The following SAP30BP variants were observed in gnomAD, a reference collection of about 807,000 sequenced individuals.
The protein encoded by SAP30BP is SAP30-binding protein.
In SAP30BP, 31 loss-of-function variants were observed where a neutral mutation model predicts 46.3. The observed-to-expected ratio is 0.67, with a 90% confidence interval of 0.50 to 0.90. SAP30BP has a LOEUF of 0.90. SAP30BP is among the 40% of genes least tolerant of loss of function. SAP30BP has a pLI of 0.00. For missense variants in SAP30BP, 312 were observed against 391.0 expected, an observed-to-expected ratio of 0.80 and a Z score of 1.70; for synonymous variants, 169 against 144.2, an observed-to-expected ratio of 1.17 and a Z score of -1.23.
intron 1 of SAP30BP, 70 bp from the exon 2 acceptor site, chr17:75,668,446 T>G (rs2059843412): frequency 1.0e-6 from 1 of 975,470 alleles, no homozygotes; most frequent in Non-Finnish European, 1.5e-6. Context: ...CTGGACATTT[T>G]TTCTTACATT....
chr17:75,702,791 C>A (rs971312275), intron 6 of SAP30BP: 2 of 383,812 alleles, frequency 5.2e-6, no homozygotes, highest in Non-Finnish European at 9.5e-6. Context: ...ATACCGAGAC[C>A]TAGACGGGGA....
At chr17:75,686,323 C>G (rs2148395940) in intron 3 of SAP30BP, among the ~76,000 whole-genome samples, 1 of 152,166 alleles carries the variant, frequency 6.6e-6, no homozygotes. Context: ...CGAGACCATC[C>G]TGGCTAACGA....
In SAP30BP at chr17:75,674,690, GTTTTTTGTTTTT is replaced by G. The variant is rs1200158111; in HGVS notation, c.264+2834_264+2845del. On this transcript the variant is annotated intron_variant, in intron 3 of 10. Transcript: ENST00000584667. ...TTAAGCATATGAAGTTTTTTTGTTT[GTTTTTTGTTTTT>G]TTTTTTTTTTTTTTTTTTTTTTTGA... 2.4e-3 allele frequency among the ~76,000 whole-genome samples: 95 copies of G among 39,590 alleles called. 2 individuals carry two copies. The highest frequency in any genetic ancestry group is 6.0e-3 in the African/African-American group (91 of 15,118). 26.0% of individuals were successfully genotyped at this position (39,590 alleles called of 152,430 possible).
At chr17:75,705,666 T>C in intron 9 of SAP30BP, 1 of 1,123,478 alleles carries the variant, frequency 8.9e-7, no homozygotes, top group Non-Finnish European at 1.1e-6. Context: ...CCTTCCCCTG[T>C]GCGGGCGGGC....
chr17:75,695,494 C>A (rs997028794), intron 4 of SAP30BP, among the ~76,000 whole-genome samples: 22 of 152,192 alleles, frequency 1.4e-4, no homozygotes, highest in Non-Finnish European at 4.4e-5. Context: ...GGATACACCA[C>A]AGTTTGTTTA....
intron 7 of SAP30BP, 36 bp from the exon 8 acceptor site, chr17:75,703,772 A>G: frequency 6.3e-7 from 1 of 1,599,392 alleles, no homozygotes; most frequent in Non-Finnish European, 8.6e-7. Flanking sequence ...TTTCTGAGTC[A>G]TTTGTCATCT....
chr17:75,670,754 A>G (rs1474099209), intron 2 of SAP30BP, among the ~76,000 whole-genome samples: 1 of 152,166 alleles, frequency 6.6e-6, no homozygotes, highest in African/African-American at 2.4e-5. Context: ...CCTTGGACTC[A>G]CTGGTACCTT....
chr17:75,682,624 G>A (rs1472310201), intron 3 of SAP30BP, among the ~76,000 whole-genome samples: 1 of 152,048 alleles, frequency 6.6e-6, no homozygotes, highest in Non-Finnish European at 1.5e-5. Context: ...AATTATAATA[G>A]CAATATGACA....
At position 75,668,558 on chromosome 17, in the gene SAP30BP, AC is replaced by A; in HGVS notation, c.150del (p.Ser52LeufsTer3). ...GTATCTGATGCCTATGGGGAGGATGACTTTTCTCGTCTAGGGGGTGATGAAG... is the reference window on the plus strand; with the variant it reads ...GTATCTGATGCCTATGGGGAGGATGATTTTCTCGTCTAGGGGGTGATGAAG... The part of the protein sequence containing the change: ...GLVSDAYGED[D>X]FSRLGGDEDG... On this transcript the variant is annotated frameshift_variant, in exon 2 of 11. Transcript: ENST00000584667. LOFTEE classifies it high-confidence loss of function. 6.2e-7 allele frequency: 1 copy of A among 1,605,026 alleles called. No homozygotes were observed. Among genetic ancestry groups the A allele is most frequent in the Non-Finnish European group, 8.5e-7 (1 of 1,176,532 alleles).
intron 3 of SAP30BP, chr17:75,683,874 C>G (rs928282611): frequency 6.6e-6 from 1 of 152,220 alleles, no homozygotes; most frequent in Non-Finnish European, 1.5e-5. Context: ...CACTGGGGCC[C>G]CATGGACTCT....
intron 3 of SAP30BP, among the ~76,000 whole-genome samples, chr17:75,673,064 A>C (rs1255688133): frequency 2.0e-5 from 3 of 152,200 alleles, no homozygotes; most frequent in Non-Finnish European, 4.4e-5. Flanking sequence ...CTAAAACAGT[A>C]ATATTCTTGA....
chr17:75,673,794 T>A lies in SAP30BP; in HGVS notation c.264+1931T>A, dbSNP rs2059942454. 2.6e-5 allele frequency among the ~76,000 whole-genome samples: 4 copies of A among 152,224 alleles called. No homozygotes were observed. The South Asian group carries it at 8.3e-4, about 32-fold the overall frequency. ...CCAAAAAAGGTGAAGCTGGGAAGAT[T>A]GTGGAAATGCCTTTTGTGCTCAGGC... On this transcript the variant is annotated intron_variant, in intron 3 of 10. Coordinates refer to ENST00000584667, the MANE Select transcript of SAP30BP (RefSeq NM_013260.8).
At chr17:75,686,176 C>T (rs2060153084) in intron 3 of SAP30BP, among the ~76,000 whole-genome samples, 1 of 152,216 alleles carries the variant, frequency 6.6e-6, no homozygotes, top group Non-Finnish European at 1.5e-5. Context: ...CTATAGCCGG[C>T]TTAATAAGTC....
intron 6 of SAP30BP, 172 bp downstream of exon 6, chr17:75,702,743 C>T: frequency 2.3e-6 from 1 of 441,216 alleles, no homozygotes; most frequent in Middle Eastern, 4.0e-4. Context: ...CAGCCAGAGG[C>T]TTGCCATTTA....
chr17:75,674,572 A>G (rs1272449175), intron 3 of SAP30BP, among the ~76,000 whole-genome samples: 2 of 152,118 alleles, frequency 1.3e-5, no homozygotes, highest in Non-Finnish European at 2.9e-5. Context: ...CTGGGATTAC[A>G]GGCATAAGCC....
chr17:75,688,205 G>T (rs2148399214), intron 3 of SAP30BP, among the ~76,000 whole-genome samples: 1 of 152,304 alleles, frequency 6.6e-6, no homozygotes, highest in Non-Finnish European at 1.5e-5. Context: ...GGAGGAAGAG[G>T]CTGAAATGGG....
rs79010278 is a variant in SAP30BP, at chr17:75,693,243, C to T, written c.265-197C>T. ...GACCGGCGTGGGGCTCGGGAGCATC[C>T]GGCTGCTGCGATGCGGGAAGAAGAG... On this transcript the variant is annotated intron_variant, in intron 3 of 10. Transcript: ENST00000584667. 284 of 573,548 alleles carry T rather than the reference C, an allele frequency of 5.0e-4. 2 individuals are homozygous for T. The East Asian group carries it at 7.4e-3, about 15-fold the overall frequency. 35.5% of individuals were successfully genotyped at this position (573,548 alleles called of 1,614,324 possible).
intron 3 of SAP30BP, among the ~76,000 whole-genome samples, chr17:75,688,673 G>T (rs1479070210): frequency 6.6e-6 from 1 of 152,152 alleles, no homozygotes; most frequent in Non-Finnish European, 1.5e-5. Context: ...TCAGGACTTG[G>T]TACTTCTCTG....
Position 75,671,870 on chromosome 17 carries a change from G to A in SAP30BP, c.264+7G>A, listed in dbSNP as rs758036301. The A allele has an allele frequency of 6.2e-7, 1 of 1,612,292 alleles. No individual in the cohort carries two copies. On this transcript the variant is annotated splice_region_variant and intron_variant, in intron 3 of 10. Coordinates refer to ENST00000584667, the MANE Select transcript of SAP30BP (RefSeq NM_013260.8). Reference sequence around the variant, plus strand: ...TGAGGCTGATGACCCAAAGGTATTTGGTGTTGGCTGTGGTGGGTGGCTGGA... The same window carrying A: ...TGAGGCTGATGACCCAAAGGTATTTAGTGTTGGCTGTGGTGGGTGGCTGGA...
Sources: gnomAD v4.1 joint callset for allele counts (sites outside exome capture counted in the v4.1 genomes callset) on GRCh38, gnomAD v4.1.1 for gene constraint, MANE v1.5 for transcripts, NCBI Gene and HGNC (gene_info 2026-07-23, HGNC 2026-07-21) for gene names.